CTNNAL1: variants seen among roughly 807,000 people sequenced by gnomAD.
The protein encoded by CTNNAL1 is alpha-catulin.
CTNNAL1 carries 69 observed loss-of-function variants against 93.6 expected under a neutral mutation model. The ratio of observed to expected loss-of-function variants is 0.74; its 90% CI spans 0.61 to 0.90. CTNNAL1 has a LOEUF of 0.90. CTNNAL1 is among the 40% of genes least tolerant of loss of function. The pLI is 0.00. For missense variants in CTNNAL1, 836 were observed against 862.0 expected, an observed-to-expected ratio of 0.97 and a Z score of 0.38; for synonymous variants, 286 against 305.4, an observed-to-expected ratio of 0.94 and a Z score of 0.66.
chr9:108,971,683 C>G (rs896190405), intron 9 of CTNNAL1, among the ~76,000 whole-genome samples: 3 of 152,166 alleles, frequency 2.0e-5, no homozygotes, highest in Admixed American at 2.0e-4. Context: ...ACTGTGAGTT[C>G]ATTAAACCTC....
At chr9:109,010,777 C>G (rs1032350907) in intron 1 of CTNNAL1, among the ~76,000 whole-genome samples, 7 of 152,256 alleles carry the variant, frequency 4.6e-5, no homozygotes, top group Non-Finnish European at 8.8e-5. Flanking sequence ...CTAGATGATA[C>G]CAGAATAGAA....
At chr9:108,992,066 C>A in intron 3 of CTNNAL1, 1 of 768,352 alleles carries the variant, frequency 1.3e-6, no homozygotes. Flanking sequence ...TATTGTTAGT[C>A]TCTGATTTGG....
At chr9:108,974,040 A>G (rs187473367) in intron 8 of CTNNAL1, among the ~76,000 whole-genome samples, 6 of 152,254 alleles carry the variant, frequency 3.9e-5, no homozygotes, top group African/African-American at 1.2e-4. Flanking sequence ...ACAGACTACG[A>G]AACAGCTCCA....
At chr9:108,946,507 G>A (rs547285023) in intron 15 of CTNNAL1, among the ~76,000 whole-genome samples, 1 of 152,148 alleles carries the variant, frequency 6.6e-6, no homozygotes, top group Admixed American at 6.5e-5. Context: ...CTTCATTACT[G>A]TCTCTATTCA....
At chr9:108,970,909 C>T (rs1015414078) in intron 9 of CTNNAL1, among the ~76,000 whole-genome samples, 4 of 152,238 alleles carry the variant, frequency 2.6e-5, no homozygotes, top group African/African-American at 9.6e-5. Flanking sequence ...CATGTTCTAT[C>T]AACACTGTCT....
At chr9:108,980,309 G>A (rs1036727189) in intron 6 of CTNNAL1, among the ~76,000 whole-genome samples, 2 of 151,912 alleles carry the variant, frequency 1.3e-5, no homozygotes, top group African/African-American at 2.4e-5. Flanking sequence ...AGCTTTCTAC[G>A]ATGCATCATG....
At chr9:108,946,822 A>T (rs149345774) in intron 15 of CTNNAL1, among the ~76,000 whole-genome samples, 1 of 152,302 alleles carries the variant, frequency 6.6e-6, no homozygotes, top group African/African-American at 2.4e-5. Context: ...CATTGATTTA[A>T]TGACTAAGCT....
At chr9:108,966,422 C>T (rs918694894) in intron 10 of CTNNAL1, among the ~76,000 whole-genome samples, 5 of 152,190 alleles carry the variant, frequency 3.3e-5, no homozygotes, top group African/African-American at 4.8e-5. Context: ...CATATGGCCA[C>T]GAGACTGAGT....
At chr9:108,966,239 T>G (rs1217370743) in intron 10 of CTNNAL1, among the ~76,000 whole-genome samples, 1 of 152,176 alleles carries the variant, frequency 6.6e-6, no homozygotes. Context: ...ACAAAACACT[T>G]GTAAAGAGGG....
At chr9:108,998,897 T>C (rs1293683486) in intron 2 of CTNNAL1, among the ~76,000 whole-genome samples, 170 bp downstream of exon 2, 1 of 152,232 alleles carries the variant, frequency 6.6e-6, no homozygotes, top group Non-Finnish European at 1.5e-5. Flanking sequence ...GATTTAGGAC[T>C]TGATCCAAGC....
chr9:108,961,340 AC>A (rs1830816914), intron 11 of CTNNAL1, among the ~76,000 whole-genome samples: 1 of 152,210 alleles, frequency 6.6e-6, no homozygotes, highest in African/African-American at 2.4e-5. Flanking sequence ...AGAATGGTTA[AC>A]CCAGAGATGG....
At chr9:108,994,674 C>A (rs781558658) in intron 2 of CTNNAL1, among the ~76,000 whole-genome samples, 1 of 152,176 alleles carries the variant, frequency 6.6e-6, no homozygotes, top group Non-Finnish European at 1.5e-5. Context: ...CCTTCAAGAT[C>A]GCTCCCCATG....
rs140648408 is a variant in CTNNAL1, at chr9:108,999,151, C to T, written c.247G>A (p.Val83Ile). 13 of 1,613,870 alleles carry T rather than the reference C, an allele frequency of 8.1e-6. No homozygotes were observed. The highest frequency in any genetic ancestry group is 1.7e-5 in the Admixed American group (1 of 59,984). ...TTGGCTATAGCTTCTCCTACTTTAA[C>T]AAATCTTCCAACTGCCAAGTTGACA... ...QAVNLAVGRF[V>I]KVGEAIANEN... Residue 83 changes from valine (V) to isoleucine (I), a missense_variant, in exon 2 of 19, where the codon GTT becomes ATT. Physicochemically the swap from Val to Ile is conservative, Grantham distance 29. Coordinates refer to ENST00000325551, the MANE Select transcript of CTNNAL1 (RefSeq NM_003798.4).
intron 4 of CTNNAL1, among the ~76,000 whole-genome samples, chr9:108,989,622 T>C (rs1831724782): frequency 6.6e-6 from 1 of 152,150 alleles, no homozygotes; most frequent in African/African-American, 2.4e-5. Context: ...AATTATTATA[T>C]ATATTTAACC....
At chr9:108,954,689 G>A (rs1185789859) in intron 12 of CTNNAL1, among the ~76,000 whole-genome samples, 2 of 152,084 alleles carry the variant, frequency 1.3e-5, no homozygotes, top group Non-Finnish European at 2.9e-5. Flanking sequence ...TATCATGATC[G>A]CTTTTACACC....
At chr9:108,972,864 G>GGGGGGTC in intron 8 of CTNNAL1, 31 bp from the exon 9 acceptor site, 1 of 142,590 alleles carries the variant, frequency 7.0e-6, no homozygotes, top group Non-Finnish European at 1.0e-5. Flanking sequence ...GGGGGGGTGG[G>GGGGGGTC]AGGGTGGAGA....
chr9:108,943,825 T>C lies in CTNNAL1; in HGVS notation c.1942-9A>G. 1 of 1,611,874 alleles carries C rather than the reference T, an allele frequency of 6.2e-7. No individual in the cohort carries two copies. The highest frequency in any genetic ancestry group is 8.5e-7 in the Non-Finnish European group (1 of 1,179,266). ...TTGTCATCGTCTTTCAGCTGAAATG[T>C]AATTTAACAAGTTATAACAGCCCGC... On this transcript the variant is annotated splice_polypyrimidine_tract_variant and intron_variant, in intron 16 of 18. Coordinates refer to ENST00000325551, the MANE Select transcript of CTNNAL1 (RefSeq NM_003798.4).
chr9:108,943,993 A>T lies in CTNNAL1; in HGVS notation c.1910T>A (p.Leu637His). The T allele has an allele frequency of 6.2e-7, 1 of 1,613,914 alleles. No individual in the cohort carries two copies. Among genetic ancestry groups the T allele is most frequent in the South Asian group, 1.1e-5 (1 of 91,004 alleles). Residue 637 changes from leucine to histidine, a missense_variant, in exon 16 of 19, where the codon CTT (leucine) becomes CAT (histidine). Transcript: ENST00000325551. ...TGAAAAAGCTTGAACACTGGAAGTA[A>T]GCTTTAAACCCTCTGCAGCAAAAAC... ...LEVFAAEGLK[L>H]TSSVQAFSKQ...
intron 2 of CTNNAL1, among the ~76,000 whole-genome samples, chr9:108,996,315 T>C (rs1475985997): frequency 6.6e-6 from 1 of 152,092 alleles, no homozygotes; most frequent in Non-Finnish European, 1.5e-5. Flanking sequence ...TGAACACTGT[T>C]GACAAACAAA....
Sources: allele counts gnomAD v4.1 joint callset (sites outside exome capture counted in the v4.1 genomes callset), GRCh38; gene constraint gnomAD v4.1.1; transcripts MANE v1.5; gene names NCBI Gene and HGNC (gene_info 2026-07-23, HGNC 2026-07-21).